The following KCTD8 variants were observed in gnomAD, a reference collection of about 807,000 sequenced individuals.
KCTD8 encodes potassium channel tetramerization domain containing 8, also known as BTB/POZ domain-containing protein KCTD8.
KCTD8 carries 27 observed loss-of-function variants against 31.5 expected under a neutral mutation model. That is an observed-to-expected ratio of 0.86 (90% CI 0.63 to 1.18). The LOEUF is 1.18. Among genes scored for constraint, KCTD8 ranks in the 50% most tolerant of loss-of-function variants. The pLI, the probability that KCTD8 is intolerant of heterozygous loss-of-function variation, is 0.00. For synonymous variants in KCTD8, 290 were observed against 280.0 expected (o/e 1.04, Z -0.36); for missense variants, 658 against 647.7 (o/e 1.02, Z -0.17).
chr4:44,373,993 G>T (rs1168035072), intron 1 of KCTD8, among the ~76,000 whole-genome samples: 2 of 152,046 alleles, frequency 1.3e-5, no homozygotes, highest in Non-Finnish European at 2.9e-5. Flanking sequence ...CTATTCTTTA[G>T]AACACAAAAC....
intron 1 of KCTD8, among the ~76,000 whole-genome samples, chr4:44,308,278 A>G (rs1456195524): frequency 6.6e-6 from 1 of 151,766 alleles, no homozygotes; most frequent in Non-Finnish European, 1.5e-5. Context: ...CAATCAATCA[A>G]TAAGTGCTCA....
intron 1 of KCTD8, among the ~76,000 whole-genome samples, chr4:44,424,509 T>C (rs1369522825): frequency 1.3e-5 from 2 of 152,078 alleles, no homozygotes; most frequent in African/African-American, 4.8e-5. Context: ...GACACCTACA[T>C]ACTGTTTGGG....
At chr4:44,331,169 G>A (rs1305673825) in intron 1 of KCTD8, among the ~76,000 whole-genome samples, 1 of 151,750 alleles carries the variant, frequency 6.6e-6, no homozygotes, top group East Asian at 1.9e-4. Flanking sequence ...ATACATTTTT[G>A]AAGCTGTCTT....
chr4:44,270,292 CA>C (rs1422751775), intron 1 of KCTD8, among the ~76,000 whole-genome samples: 3 of 148,926 alleles, frequency 2.0e-5, no homozygotes, highest in Non-Finnish European at 1.5e-5. Flanking sequence ...ATCACAAGGA[CA>C]AAAAACCAAA....
Position 44,415,628 on chromosome 4 carries a change from C to T in KCTD8, c.961+31935G>A, listed in dbSNP as rs1721061802. ...CCAGCTGCTCCAGCTACAGCCATGGCTAAAAGGACATCAAGGTACAATTTG... is the reference window on the plus strand; with the variant it reads ...CCAGCTGCTCCAGCTACAGCCATGGTTAAAAGGACATCAAGGTACAATTTG... On this transcript the variant is annotated intron_variant, in intron 1 of 1. Transcript: ENST00000360029. 2.0e-5 allele frequency among the ~76,000 whole-genome samples: 3 copies of T among 152,160 alleles called. No homozygotes were observed. In the South Asian group the frequency reaches 6.2e-4, roughly 32 times the overall value.
In KCTD8 at chr4:44,447,995, G is replaced by A. The variant is rs939223975; in HGVS notation, c.529C>T (p.Leu177=). The change falls in exon 1 of 2, where the codon CTG becomes TTG. Residue 177 remains leucine, a synonymous_variant. Coordinates refer to ENST00000360029, the MANE Select transcript of KCTD8 (RefSeq NM_198353.3). ...GCGGCCGCCGCCCCGCGCAGCAGCA[G>A]CGCGTCGCTGCTACCCTGCGAGACG... is the stretch of plus-strand genomic sequence containing the variant. ...DNVSQGSSDA[L]LLRGAAAAVP... is the part of the protein sequence containing the mutation. 6.4e-7 allele frequency: 1 copy of A among 1,566,518 alleles called. No individual in the cohort carries two copies.
chr4:44,407,631 C>T (rs548198693), intron 1 of KCTD8, among the ~76,000 whole-genome samples: 1 of 152,046 alleles, frequency 6.6e-6, no homozygotes, highest in African/African-American at 2.4e-5. Context: ...GATGATCCAC[C>T]CGCCTTGGCC....
At position 44,242,608 on chromosome 4, in the gene KCTD8, C is replaced by CA. The variant is rs544763524; in HGVS notation, c.962-67359dup. On this transcript the variant is annotated intron_variant, in intron 1 of 1. Coordinates refer to ENST00000360029, the MANE Select transcript of KCTD8 (RefSeq NM_198353.3). Reference sequence around the variant, plus strand: ...CAAACAAACAAACAAACAAACAAAACAAAAAAAAAACTTGTTGATATAGTT... The same window carrying CA: ...CAAACAAACAAACAAACAAACAAAACAAAAAAAAAAACTTGTTGATATAGTT... Among the ~76,000 whole-genome samples the CA allele has an allele frequency of 1.0e-2, 1,458 of 146,514 alleles. 8 individuals are homozygous for CA. The highest frequency in any genetic ancestry group is 0.015 in the African/African-American group (594 of 39,534).
chr4:44,265,352 C>T (rs1176485656), intron 1 of KCTD8, among the ~76,000 whole-genome samples: 1 of 152,172 alleles, frequency 6.6e-6, no homozygotes, highest in Non-Finnish European at 1.5e-5. Context: ...AGAAGGAAAA[C>T]TAACAAACAG....
chr4:44,396,509 C>T (rs1301238617), intron 1 of KCTD8, among the ~76,000 whole-genome samples: 1 of 150,386 alleles, frequency 6.6e-6, no homozygotes, highest in Non-Finnish European at 1.5e-5. Context: ...CATTTTGTTT[C>T]TTCTTAAAGT....
intron 1 of KCTD8, among the ~76,000 whole-genome samples, chr4:44,242,608 C>CAA (rs544763524): frequency 6.8e-6 from 1 of 146,500 alleles, no homozygotes; most frequent in African/African-American, 2.5e-5. Flanking sequence ...ACAAACAAAA[C>CAA]AAAAAAAAAA....
chr4:44,381,907 C>T (rs1720075621), intron 1 of KCTD8, among the ~76,000 whole-genome samples: 1 of 151,756 alleles, frequency 6.6e-6, no homozygotes, highest in Admixed American at 6.6e-5. Flanking sequence ...GCCAATTAAA[C>T]CTATTTTCTT....
chr4:44,355,535 A>C (rs528140941), intron 1 of KCTD8, among the ~76,000 whole-genome samples: 44 of 152,192 alleles, frequency 2.9e-4, no homozygotes, highest in Non-Finnish European at 5.7e-4. Context: ...TAATTTTAAA[A>C]ATATTCTTTG....
intron 1 of KCTD8, among the ~76,000 whole-genome samples, chr4:44,370,262 G>A (rs1719747735): frequency 6.6e-6 from 1 of 152,162 alleles, no homozygotes; most frequent in African/African-American, 2.4e-5. Context: ...ACAATGAGTT[G>A]CAAATGTATA....
At chr4:44,402,447 A>T (rs1720688791) in intron 1 of KCTD8, among the ~76,000 whole-genome samples, 1 of 152,166 alleles carries the variant, frequency 6.6e-6, no homozygotes, top group Admixed American at 6.5e-5. Flanking sequence ...TAGAAGAAAT[A>T]AAAGTGCATA....
chr4:44,448,293 A>G lies in KCTD8; in HGVS notation c.231T>C (p.Ser77=). 1 of 1,608,202 alleles carries G rather than the reference A, an allele frequency of 6.2e-7. No homozygotes were observed. Among genetic ancestry groups the G allele is most frequent in the Non-Finnish European group, 8.5e-7 (1 of 1,178,128 alleles). ...DSTLASMFSP[S]SPRGGARRRG... is the part of the protein sequence containing the mutation. ...GGCGCCGGGCGCCGCCACGGGGACT[A>G]GAGGGCGAGAACATGCTGGCCAAAG... The change falls in exon 1 of 2, where the codon TCT becomes TCC. Residue 77 remains serine (S), a synonymous_variant. Transcript: ENST00000360029. The surrounding 1 kb of genome is among the most constrained non-coding windows in gnomAD (Gnocchi z 4.1).
chr4:44,327,351 A>G (rs1425228155), intron 1 of KCTD8, among the ~76,000 whole-genome samples: 3 of 151,818 alleles, frequency 2.0e-5, no homozygotes, highest in Non-Finnish European at 4.4e-5. Context: ...TAAGTATTTA[A>G]TATGTTAACT....
chr4:44,386,128 A>C (rs1309513709), intron 1 of KCTD8, among the ~76,000 whole-genome samples: 2 of 151,584 alleles, frequency 1.3e-5, no homozygotes, highest in Non-Finnish European at 3.0e-5. Flanking sequence ...TGGCGATGGA[A>C]AACAGGATGT....
chr4:44,288,018 G>T (rs1177985475), intron 1 of KCTD8, among the ~76,000 whole-genome samples: 1 of 152,102 alleles, frequency 6.6e-6, no homozygotes, highest in African/African-American at 2.4e-5. Flanking sequence ...AGGAAGAGTT[G>T]CCTTCTTGCT....
Sources: allele counts gnomAD v4.1 joint callset (sites outside exome capture counted in the v4.1 genomes callset), GRCh38; gene constraint gnomAD v4.1.1; non-coding constraint Gnocchi (gnomAD v3.1); transcripts MANE v1.5; gene names NCBI Gene and HGNC (gene_info 2026-07-23, HGNC 2026-07-21).